AGMO: variants seen among roughly 807,000 people sequenced by gnomAD.
AGMO encodes alkylglycerol monooxygenase, also known as glyceryl-ether monooxygenase.
A neutral mutation model predicts 60.2 loss-of-function variants in AGMO; 75 were observed. That is an observed-to-expected ratio of 1.25 (90% CI 1.03 to 1.51). AGMO has a LOEUF of 1.51. Among genes scored for constraint, AGMO ranks in the 40% most tolerant of loss-of-function variants. The pLI is 0.00. For synonymous variants in AGMO, 261 were observed against 177.1 expected (o/e 1.47, Z -3.76); for missense variants, 763 against 525.5 (o/e 1.45, Z -4.42).
chr7:15,311,833 TA>T, intron 12 of AGMO, among the ~76,000 whole-genome samples: 1 of 152,178 alleles, frequency 6.6e-6, no homozygotes, highest in South Asian at 2.1e-4. Context: ...TATATGTAAA[TA>T]AAAGATACAT....
At chr7:15,340,407 G>C (rs1035579465) in intron 12 of AGMO, among the ~76,000 whole-genome samples, 7 of 152,182 alleles carry the variant, frequency 4.6e-5, no homozygotes, top group Non-Finnish European at 5.9e-5. Context: ...CGGCTCTTTA[G>C]AGGTGCCAGA....
chr7:15,141,229 T>C, the AGMO span, among the ~76,000 whole-genome samples: 1 of 152,134 alleles, frequency 6.6e-6, no homozygotes, highest in Admixed American at 6.6e-5. Flanking sequence ...CCTGTCTTTT[T>C]GTGGTTTATG....
chr7:15,354,846 TAAA>T lies in AGMO; in HGVS notation c.1263+10665_1263+10667del, dbSNP rs567710476. 4.1e-3 allele frequency among the ~76,000 whole-genome samples: 613 copies of T among 150,810 alleles called. 4 individuals are homozygous for T. The highest frequency in any genetic ancestry group is 4.6e-3 in the Non-Finnish European group (312 of 67,830). On this transcript the variant is annotated intron_variant, in intron 12 of 12. Coordinates refer to ENST00000342526, the MANE Select transcript of AGMO (RefSeq NM_001004320.2). ...TTCACGAGAATTTGTTTTCTAAAAA[TAAA>T]AATATATTATATCCTATAAAATATA...
chr7:15,137,667 CAGA>C, the AGMO span, among the ~76,000 whole-genome samples: 1 of 151,982 alleles, frequency 6.6e-6, no homozygotes. Flanking sequence ...AGTTTTATAG[CAGA>C]AGATTAGTAG....
downstream of AGMO, among the ~76,000 whole-genome samples, chr7:15,200,047 C>A (rs1781233858): frequency 6.6e-6 from 1 of 151,876 alleles, no homozygotes; most frequent in Non-Finnish European, 1.5e-5. Context: ...GCTCCTTAAC[C>A]CAGTGATACA....
the AGMO span, among the ~76,000 whole-genome samples, chr7:15,174,286 A>G: frequency 0.18 from 27,495 of 151,988 alleles, 2,823 homozygotes; most frequent in East Asian, 0.51. Context: ...AATCTGGAAA[A>G]CTAAAGTTAA....
intron 3 of AGMO, among the ~76,000 whole-genome samples, chr7:15,451,391 G>A (rs1481024406): frequency 1.3e-5 from 2 of 152,148 alleles, no homozygotes; most frequent in Admixed American, 6.5e-5. Context: ...CCTCAGACTA[G>A]TTGGGCTGCT....
At chr7:15,247,852 G>A (rs1782795068) in intron 12 of AGMO, among the ~76,000 whole-genome samples, 1 of 151,764 alleles carries the variant, frequency 6.6e-6, no homozygotes, top group Non-Finnish European at 1.5e-5. Context: ...TGTGGTAGAG[G>A]CAGAGATCCA....
In AGMO at chr7:15,560,174, G is replaced by C. The variant is rs1562574338; in HGVS notation, c.224C>G (p.Ser75Ter). 2.5e-6 allele frequency: 4 copies of C among 1,612,906 alleles called. No homozygotes were observed. Among genetic ancestry groups the C allele is most frequent in the Non-Finnish European group, 3.4e-6 (4 of 1,179,180 alleles). The change falls in exon 2 of 13, where the codon TCA (serine) becomes TGA (stop). Residue 75 changes from serine (S) to a stop codon, truncating the protein, a stop_gained. Transcript: ENST00000342526. LOFTEE classifies it high-confidence loss of function. ...TCGAGACAGAACACCAGCTGAGATT[G>C]ACGTTAAAGCATCATCCAGGCGACC... ...PPGRLDDALT[S>*]ISAGVLSRLP...
intron 3 of AGMO, among the ~76,000 whole-genome samples, chr7:15,451,245 G>GTGTATGGAAAT: frequency 6.6e-6 from 1 of 151,842 alleles, no homozygotes; most frequent in Non-Finnish European, 1.5e-5. Flanking sequence ...AATTATTTTC[G>GTGTATGGAAAT]GTGTAATGGA....
intron 2 of AGMO, among the ~76,000 whole-genome samples, chr7:15,554,837 T>C (rs1482317509): frequency 1.3e-5 from 2 of 151,860 alleles, no homozygotes; most frequent in African/African-American, 4.9e-5. Flanking sequence ...CATCTCCATC[T>C]GAGTCTACCC....
chr7:15,215,398 C>G (rs1317082146), intron 12 of AGMO, among the ~76,000 whole-genome samples: 1 of 151,498 alleles, frequency 6.6e-6, no homozygotes, highest in African/African-American at 2.4e-5. Flanking sequence ...AAGTGAGTTA[C>G]CAGGTCCCCC....
intron 12 of AGMO, among the ~76,000 whole-genome samples, chr7:15,303,716 T>G (rs1425175691): frequency 2.0e-5 from 3 of 152,098 alleles, no homozygotes; most frequent in Admixed American, 6.6e-5. Context: ...ATGGGGAACT[T>G]GATACAAGCT....
At chr7:15,196,337 C>G (rs977977102), downstream of AGMO, among the ~76,000 whole-genome samples, 4 of 152,128 alleles carry the variant, frequency 2.6e-5, no homozygotes, top group African/African-American at 9.7e-5. Flanking sequence ...GTGTGAGCCA[C>G]CACGCCCGGC....
Position 15,340,585 on chromosome 7 carries a change from G to A in AGMO, c.1263+24929C>T, listed in dbSNP as rs116131591. Among the ~76,000 whole-genome samples, 744 of 152,210 alleles carry A rather than the reference G, an allele frequency of 4.9e-3. 8 individuals carry two copies. Among genetic ancestry groups the A allele is most frequent in the African/African-American group, 0.017 (699 of 41,530 alleles). On this transcript the variant is annotated intron_variant, in intron 12 of 12. Transcript: ENST00000342526. ...AGCCACTCCAGCTGTGGCTAAAAGG[G>A]GCCAAGATACCACTCAGGCAATGGC...
chr7:15,312,425 A>G (rs1231049195), intron 12 of AGMO, among the ~76,000 whole-genome samples: 1 of 152,010 alleles, frequency 6.6e-6, no homozygotes, highest in Non-Finnish European at 1.5e-5. Context: ...TGAGTGTTAG[A>G]ATGAGGGCTG....
At chr7:15,234,657 C>T (rs1036648150) in intron 12 of AGMO, among the ~76,000 whole-genome samples, 9 of 152,244 alleles carry the variant, frequency 5.9e-5, no homozygotes, top group Non-Finnish European at 1.2e-4. Context: ...CTTAGCAGGC[C>T]ATATGGTCTT....
the AGMO span, among the ~76,000 whole-genome samples, chr7:15,176,759 C>T: frequency 2.0e-4 from 31 of 152,038 alleles, 1 homozygote; most frequent in East Asian, 5.0e-3. Flanking sequence ...ACAGGTTGTA[C>T]ATTAGATCCC....
At chr7:15,440,160 G>T (rs1781510825) in intron 3 of AGMO, among the ~76,000 whole-genome samples, 1 of 152,090 alleles carries the variant, frequency 6.6e-6, no homozygotes, top group African/African-American at 2.4e-5. Flanking sequence ...ATTAAATATG[G>T]TACTTATGTC....
Sources: allele counts gnomAD v4.1 joint callset (sites outside exome capture counted in the v4.1 genomes callset), GRCh38; gene constraint gnomAD v4.1.1; transcripts MANE v1.5; gene names NCBI Gene and HGNC (gene_info 2026-07-23, HGNC 2026-07-21).